The following CFAP54 variants were observed in gnomAD, a reference collection of about 807,000 sequenced individuals.
CFAP54 encodes the protein cilia- and flagella-associated protein 54.
Under a neutral mutation model 370.4 loss-of-function variants are expected in CFAP54, and 290 were observed. That is an observed-to-expected ratio of 0.78 (90% CI 0.71 to 0.86). CFAP54 has a LOEUF of 0.86. CFAP54 is among the 40% of genes least tolerant of loss of function. The pLI is 0.00. For synonymous variants in CFAP54, 1,206 were observed against 1,236.5 expected (o/e 0.98, Z 0.52); for missense variants, 3,399 against 3,528.7 (o/e 0.96, Z 0.93).
intron 9 of CFAP54, among the ~76,000 whole-genome samples, chr12:96,532,251 T>C (rs1357023426): frequency 1.3e-5 from 2 of 152,244 alleles, no homozygotes; most frequent in African/African-American, 4.8e-5. Flanking sequence ...CCCATGAGCT[T>C]TCCTTCTTGG....
At chr12:96,684,960 C>T in intron 41 of CFAP54, 69 bp from the exon 42 acceptor site, 1 of 1,474,858 alleles carries the variant, frequency 6.8e-7, no homozygotes, top group Middle Eastern at 1.7e-4. Context: ...ATTTGCTTTC[C>T]CTTCTGGAAG....
At chr12:96,857,282 G>T (rs938006129) in intron 66 of CFAP54, among the ~76,000 whole-genome samples, 2 of 152,060 alleles carry the variant, frequency 1.3e-5, no homozygotes, top group Non-Finnish European at 2.9e-5. Flanking sequence ...CTGTTCCTCT[G>T]CCTCCTCCCA....
intron 34 of CFAP54, 36 bp downstream of exon 34, chr12:96,648,053 T>C: frequency 6.9e-7 from 1 of 1,443,084 alleles, no homozygotes; most frequent in Non-Finnish European, 9.1e-7. Flanking sequence ...TTAAATTACC[T>C]CTAGATTTTT....
chr12:96,581,942 T>C (rs983089484), intron 22 of CFAP54, among the ~76,000 whole-genome samples: 7 of 152,188 alleles, frequency 4.6e-5, no homozygotes, highest in African/African-American at 1.7e-4. Context: ...TAAACAAAGC[T>C]ATGATGCCCA....
intron 1 of CFAP54, among the ~76,000 whole-genome samples, chr12:96,495,247 TCC>T (rs1190074872): frequency 2.4e-3 from 52 of 21,562 alleles, no homozygotes; most frequent in African/African-American, 7.1e-3. Flanking sequence ...TCTCCTTCCT[TCC>T]TTCCTTCCTT....
rs1217053202 is a variant in CFAP54, at chr12:96,685,151, G to A, written c.5927G>A (p.Gly1976Asp). 1.2e-6 allele frequency: 2 copies of A among 1,614,126 alleles called. No homozygotes were observed. The highest frequency in any genetic ancestry group is 2.2e-5 in the East Asian group (1 of 44,866). ...TNVTNSHSPP[G>D]FKDYSEEFLS... ...GTCACCAACAGTCATTCACCTCCGG[G>A]TTTCAAAGACTACAGTGAGGAGTTT... is the stretch of plus-strand genomic sequence containing the variant. The change falls in exon 42 of 68, where the codon GGT becomes GAT. Residue 1976 changes from glycine (G) to aspartate (D), a missense_variant. By Grantham distance (94) the Gly-to-Asp change is moderately conservative. This residue lies in a region of CFAP54 where 2,796 missense variants were observed against 2,869.7 expected (regional missense o/e 0.97). Coordinates refer to ENST00000524981, the MANE Select transcript of CFAP54 (RefSeq NM_001306084.2).
chr12:96,563,371 G>T (rs1382150885), intron 17 of CFAP54, among the ~76,000 whole-genome samples: 1 of 152,138 alleles, frequency 6.6e-6, no homozygotes. Flanking sequence ...GCTGTTGCCA[G>T]ACTGATGTTC....
chr12:96,661,001 C>T (rs1592694603), intron 38 of CFAP54, among the ~76,000 whole-genome samples: 1 of 152,136 alleles, frequency 6.6e-6, no homozygotes, highest in South Asian at 2.1e-4. Flanking sequence ...GGGCACAGAG[C>T]TTTCATGGAT....
Position 96,658,086 on chromosome 12 carries a change from C to T in CFAP54, c.5305C>T (p.Gln1769Ter). The stretch of plus-strand genomic sequence containing the variant: ...GGAAACACTAGTATCTCTTGCCATT[C>T]AGTTCAATACAGTTTCACAGTAAGT... ...KWETLVSLAI[Q>*]FNTVSHERYT... Residue 1769 changes from glutamine to a stop codon, truncating the protein, a stop_gained, in exon 37 of 68, where the codon CAG becomes TAG. Coordinates refer to ENST00000524981, the MANE Select transcript of CFAP54 (RefSeq NM_001306084.2). LOFTEE classifies it high-confidence loss of function. 6.2e-7 allele frequency: 1 copy of T among 1,612,040 alleles called. No individual in the cohort carries two copies. The highest frequency in any genetic ancestry group is 1.1e-5 in the South Asian group (1 of 90,838).
At chr12:96,659,377 T>A (rs1408398804) in intron 38 of CFAP54, among the ~76,000 whole-genome samples, 1 of 152,068 alleles carries the variant, frequency 6.6e-6, no homozygotes, top group Non-Finnish European at 1.5e-5. Flanking sequence ...CAAGTGATCC[T>A]CCCACCTCAG....
chr12:96,587,550 A>G (rs1021047467), intron 22 of CFAP54, among the ~76,000 whole-genome samples: 13 of 152,198 alleles, frequency 8.5e-5, no homozygotes, highest in Admixed American at 5.9e-4. Flanking sequence ...GAACATGCTT[A>G]TATCATGGCA....
At chr12:96,721,869 A>C (rs1471681765) in intron 50 of CFAP54, among the ~76,000 whole-genome samples, 1 of 152,138 alleles carries the variant, frequency 6.6e-6, no homozygotes, top group Non-Finnish European at 1.5e-5. Context: ...TGTGGGCAAA[A>C]ATGATAAGTG....
At chr12:96,818,290 A>T (rs1181432533) in intron 65 of CFAP54, among the ~76,000 whole-genome samples, 1 of 152,228 alleles carries the variant, frequency 6.6e-6, no homozygotes, top group Non-Finnish European at 1.5e-5. Flanking sequence ...TAGAAAATAT[A>T]GATAAGCATA....
chr12:96,708,376 C>G (rs1957568063), intron 47 of CFAP54, among the ~76,000 whole-genome samples: 1 of 152,076 alleles, frequency 6.6e-6, no homozygotes, highest in African/African-American at 2.4e-5. Flanking sequence ...GCAGAGCTGG[C>G]CTCATGAGGC....
chr12:96,735,687 G>A (rs1312327584), intron 50 of CFAP54, among the ~76,000 whole-genome samples: 1 of 152,240 alleles, frequency 6.6e-6, no homozygotes, highest in Non-Finnish European at 1.5e-5. Context: ...CCAAGTGGAT[G>A]TGGGAGAGAT....
chr12:96,806,677 T>A (rs920101794), intron 63 of CFAP54, among the ~76,000 whole-genome samples: 1 of 152,134 alleles, frequency 6.6e-6, no homozygotes, highest in Non-Finnish European at 1.5e-5. Flanking sequence ...TTGGAAGTGC[T>A]GTAACTCAGG....
chr12:96,651,622 T>G lies in CFAP54; in HGVS notation c.4907T>G (p.Leu1636Arg). The change falls in exon 36 of 68, where the codon CTT (leucine) becomes CGT (arginine). Residue 1636 changes from leucine (L) to arginine (R), a missense_variant. Leu to Arg is a moderately radical substitution (Grantham distance 102). Around this residue, in one of 3 missense-constraint regions of CFAP54, gnomAD observed 2,796 missense variants for 2,869.7 expected, o/e 0.97. Coordinates refer to ENST00000524981, the MANE Select transcript of CFAP54 (RefSeq NM_001306084.2). ...CATCGTGGTGGCTATTGGACTCTGC[T>G]TCAGAACTGCTGTCGGGCCTTATGG... is the stretch of plus-strand genomic sequence containing the variant. ...LAHRGGYWTL[L>R]QNCCRALWNF... 6.2e-7 allele frequency: 1 copy of G among 1,614,220 alleles called. No homozygotes were observed. Among genetic ancestry groups the G allele is most frequent in the Non-Finnish European group, 8.5e-7 (1 of 1,180,036 alleles).
intron 66 of CFAP54, among the ~76,000 whole-genome samples, chr12:96,831,751 G>A (rs894899972): frequency 1.3e-5 from 2 of 152,148 alleles, no homozygotes; most frequent in Non-Finnish European, 2.9e-5. Flanking sequence ...ACAGTGCCTT[G>A]TACACCACAT....
At chr12:96,513,937 A>C (rs1955202527) in intron 5 of CFAP54, among the ~76,000 whole-genome samples, 1 of 152,142 alleles carries the variant, frequency 6.6e-6, no homozygotes, top group African/African-American at 2.4e-5. Flanking sequence ...AGGAGACTTT[A>C]TTTTATAATA....
Sources: gnomAD v4.1 joint callset for allele counts (sites outside exome capture counted in the v4.1 genomes callset) on GRCh38, gnomAD v4.1.1 for gene constraint, gnomAD v4.1.1 regional missense constraint, MANE v1.5 for transcripts, NCBI Gene and HGNC (gene_info 2026-07-23, HGNC 2026-07-21) for gene names.